Variants in SULT4A1 observed in about 807,000 individuals in gnomAD.
SULT4A1 encodes sulfotransferase family 4A member 1, also known as sulfotransferase 4A1.
Under a neutral mutation model 35.2 loss-of-function variants are expected in SULT4A1, and 11 were observed. The ratio of observed to expected loss-of-function variants is 0.31; its 90% confidence interval spans 0.20 to 0.52. The LOEUF is 0.52. SULT4A1 is among the 20% of genes least tolerant of loss of function. The probability of loss-of-function intolerance (pLI) is 0.97; values close to 1 mark genes in which losing one functional copy is unlikely to be tolerated. For missense variants in SULT4A1, 271 were observed against 383.7 expected (o/e 0.71, Z 2.45); for synonymous variants, 152 against 151.8 (o/e 1.00, Z -0.01).
chr22:43,834,148 G>C lies in SULT4A1; in HGVS notation c.509-414C>G, dbSNP rs979123214. On this transcript the variant is annotated intron_variant, in intron 4 of 6. Transcript: ENST00000330884. ...AAGCTGTAGGACAGATCCAGAACAC[G>C]GGGCCCTGCTGGGCAAGAGGGCGAC... is the stretch of plus-strand genomic sequence containing the variant. Among the ~76,000 whole-genome samples, 11 of 152,166 alleles carry C rather than the reference G, an allele frequency of 7.2e-5. No individual in the cohort carries two copies. In the South Asian group the frequency reaches 1.0e-3, roughly 14 times the overall value.
At chr22:43,827,623 G>C (rs371099646) in intron 6 of SULT4A1, 230 of 1,366,394 alleles carry the variant, frequency 1.7e-4, no homozygotes, top group Non-Finnish European at 2.2e-4. Context: ...AAGATCTTCC[G>C]AGCAAAGACG....
intron 3 of SULT4A1, among the ~76,000 whole-genome samples, chr22:43,839,609 CAAAA>C (rs936834666): frequency 2.9e-4 from 44 of 151,992 alleles, no homozygotes; most frequent in African/African-American, 1.1e-3. Flanking sequence ...AACAAACAAA[CAAAA>C]AAACCCCACA....
chr22:43,837,250 AC>A (rs746763834), intron 4 of SULT4A1, among the ~76,000 whole-genome samples: 2 of 152,246 alleles, frequency 1.3e-5, no homozygotes, highest in Non-Finnish European at 2.9e-5. Context: ...GGACCAAGGC[AC>A]GTGTGTGGGA....
chr22:43,850,589 C>T (rs1398433416), intron 1 of SULT4A1, among the ~76,000 whole-genome samples: 2 of 152,280 alleles, frequency 1.3e-5, no homozygotes, highest in South Asian at 2.1e-4. Flanking sequence ...TGGGGACATG[C>T]CCCTGTTCCC....
At chr22:43,850,345 G>A (rs887361175) in intron 1 of SULT4A1, among the ~76,000 whole-genome samples, 3 of 152,156 alleles carry the variant, frequency 2.0e-5, no homozygotes, top group Non-Finnish European at 4.4e-5. Flanking sequence ...CGATACAGTC[G>A]CAGCACGATT....
chr22:43,840,167 T>G, intron 2 of SULT4A1, 142 bp from the exon 3 acceptor site: 1 of 645,692 alleles, frequency 1.5e-6, no homozygotes. Context: ...ACGGCGGGTC[T>G]AGGGTAGCGG....
chr22:43,858,596 C>T (rs1319560228), intron 1 of SULT4A1, among the ~76,000 whole-genome samples: 1 of 152,224 alleles, frequency 6.6e-6, no homozygotes, highest in Non-Finnish European at 1.5e-5. Context: ...AGGTAACTCA[C>T]CACACTGCTG....
chr22:43,841,061 G>A (rs1015315796), intron 2 of SULT4A1, among the ~76,000 whole-genome samples: 2 of 152,250 alleles, frequency 1.3e-5, no homozygotes, highest in Non-Finnish European at 2.9e-5. Context: ...CCAATGCCAA[G>A]AGCAGTGCCT....
intron 1 of SULT4A1, among the ~76,000 whole-genome samples, chr22:43,847,072 G>A (rs1157189382): frequency 3.9e-5 from 6 of 152,080 alleles, no homozygotes; most frequent in Non-Finnish European, 7.4e-5. Context: ...ACCCGGCCCT[G>A]TCCCCGTGGC....
chr22:43,844,292 G>C (rs1210812978), intron 1 of SULT4A1, among the ~76,000 whole-genome samples: 1 of 152,242 alleles, frequency 6.6e-6, no homozygotes, highest in Non-Finnish European at 1.5e-5. Context: ...TGGCCAACGG[G>C]AAGAGCCTGG....
rs1603407035 is a variant in SULT4A1 at position 43,841,844 on chromosome 22, G to A, written c.258C>T (p.Leu86=). 3.1e-6 allele frequency: 5 copies of A among 1,614,008 alleles called. No homozygotes were observed. The highest frequency in any genetic ancestry group is 4.2e-6 in the Non-Finnish European group (5 of 1,179,900). ...CCGGCTGTGGGTACTCCAGGACCGG[G>A]AGCTGCTCGTCGATGTTCATCAAGC... The part of the protein sequence containing the change: ...EIGLMNIDEQ[L]PVLEYPQPGL... Residue 86 remains leucine (L), a synonymous_variant, in exon 2 of 7, where the codon CTC becomes CTT. Coordinates refer to ENST00000330884, the MANE Select transcript of SULT4A1 (RefSeq NM_014351.4).
chr22:43,826,088 G>A lies in SULT4A1; in HGVS notation c.768C>T (p.Ile256=), dbSNP rs2063285114. 1 of 1,614,090 alleles carries A rather than the reference G, an allele frequency of 6.2e-7. No individual in the cohort carries two copies. The highest frequency in any genetic ancestry group is 1.3e-5 in the African/African-American group (1 of 74,926). ...GRGRVGLWKD[I]FTVSMNEKFD... The stretch of plus-strand genomic sequence containing the variant: ...ACTTCTCATTCATGGAGACGGTGAA[G>A]ATGTCCTTCCACAGCCCAACTCTTC... Residue 256 remains isoleucine, a synonymous_variant, in exon 7 of 7, where the codon ATC becomes ATT. Transcript: ENST00000330884.
intron 5 of SULT4A1, among the ~76,000 whole-genome samples, chr22:43,829,765 G>GC (rs1195889146): frequency 6.6e-6 from 1 of 151,176 alleles, no homozygotes; most frequent in South Asian, 2.1e-4. Flanking sequence ...CCATTCCCCA[G>GC]CCCCCCACCC....
chr22:43,832,230 T>C (rs752398672), intron 5 of SULT4A1, among the ~76,000 whole-genome samples: 27 of 152,104 alleles, frequency 1.8e-4, no homozygotes, highest in African/African-American at 5.3e-4. Context: ...CTGTGTCAAG[T>C]TGTGTGGACA....
intron 6 of SULT4A1, chr22:43,827,578 C>T: frequency 7.3e-7 from 1 of 1,366,262 alleles, no homozygotes; most frequent in Non-Finnish European, 9.8e-7. Flanking sequence ...AGCAATGCAG[C>T]TGGCTACTCG....
chr22:43,836,158 CA>C (rs879345501), intron 4 of SULT4A1, among the ~76,000 whole-genome samples: 25,409 of 145,130 alleles, frequency 0.18, 3,694 homozygotes, highest in African/African-American at 0.27. Flanking sequence ...CCTCACACTG[CA>C]GGTGCCACAG....
intron 1 of SULT4A1, among the ~76,000 whole-genome samples, chr22:43,857,677 GA>G (rs2049417549): frequency 6.6e-6 from 1 of 152,088 alleles, no homozygotes; most frequent in Non-Finnish European, 1.5e-5. Flanking sequence ...AAGACAAAGA[GA>G]AAACATTGAA....
rs534983393 is a variant in SULT4A1, at chr22:43,828,921, G to A, written c.742+139C>T. The stretch of plus-strand genomic sequence containing the variant: ...ATGGGCACCAGCTAACAGAGCACAG[G>A]CCATGGGCCAGCTACAGACTGCTGT... On this transcript the variant is annotated intron_variant, in intron 6 of 6. Coordinates refer to ENST00000330884, the MANE Select transcript of SULT4A1 (RefSeq NM_014351.4). The A allele has an allele frequency of 2.7e-5, 26 of 967,996 alleles. No homozygotes were observed. The African/African-American group carries it at 4.0e-4, about 15-fold the overall frequency. The allele number at this position is 967,996 out of a possible 1,614,324, so 60.0% of individuals were successfully genotyped here. A position where few individuals can be genotyped will look rare whatever the true frequency, so the allele number is the denominator to read the frequency against.
At chr22:43,861,534 G>A (rs1028884782) in intron 1 of SULT4A1, among the ~76,000 whole-genome samples, 4 of 152,208 alleles carry the variant, frequency 2.6e-5, no homozygotes, top group Admixed American at 6.5e-5. Context: ...CTGAGCCTCT[G>A]TGCCTAGACT....
Sources: allele counts gnomAD v4.1 joint callset (sites outside exome capture counted in the v4.1 genomes callset), GRCh38; gene constraint gnomAD v4.1.1; transcripts MANE v1.5; gene names NCBI Gene and HGNC (gene_info 2026-07-23, HGNC 2026-07-21).